The following FGF10 variants were observed in gnomAD, a reference collection of about 807,000 sequenced individuals.
The protein encoded by FGF10 is fibroblast growth factor 10, also known as FGF-10.
In FGF10, 2 loss-of-function variants were observed where a neutral mutation model predicts 19.8. The ratio of observed to expected loss-of-function variants is 0.10; its 90% CI spans 0.04 to 0.32. FGF10 has a LOEUF of 0.32. Ranked by LOEUF, FGF10 falls within the 10% of genes least tolerant of loss-of-function variation. The pLI is 1.00. For synonymous variants in FGF10, 112 were observed against 94.0 expected, an observed-to-expected ratio of 1.19 and a Z score of -1.10; for missense variants, 191 against 246.3, an observed-to-expected ratio of 0.78 and a Z score of 1.50.
intron 1 of FGF10, among the ~76,000 whole-genome samples, chr5:44,323,428 T>A (rs976707849): frequency 2.0e-5 from 3 of 152,188 alleles, no homozygotes; most frequent in Non-Finnish European, 4.4e-5. Context: ...TCTGACATTA[T>A]AGTACAGATA....
chr5:44,319,187 G>A (rs562044126), intron 1 of FGF10, among the ~76,000 whole-genome samples: 2 of 151,996 alleles, frequency 1.3e-5, no homozygotes, highest in South Asian at 2.1e-4. Context: ...ATTCTATTTG[G>A]GCTTGGCCAC....
At chr5:44,384,370 C>T (rs1031112701) in intron 1 of FGF10, among the ~76,000 whole-genome samples, 3 of 152,094 alleles carry the variant, frequency 2.0e-5, no homozygotes, top group Non-Finnish European at 2.9e-5. Flanking sequence ...AATACACTAA[C>T]CTTGTCTGAT....
chr5:44,344,894 A>G (rs1741053198), intron 1 of FGF10, among the ~76,000 whole-genome samples: 1 of 150,658 alleles, frequency 6.6e-6, no homozygotes, highest in Non-Finnish European at 1.5e-5. Context: ...TCCCTGATTC[A>G]AGGCAATAAG....
intron 1 of FGF10, among the ~76,000 whole-genome samples, chr5:44,317,551 T>C (rs1048595662): frequency 6.6e-6 from 1 of 152,162 alleles, no homozygotes; most frequent in Non-Finnish European, 1.5e-5. Context: ...TCTTAAGTGG[T>C]AAATTAATTG....
chr5:44,302,310 C>T lies in FGF10; in HGVS notation c.*2685G>A. 6.8e-6 allele frequency among the ~76,000 whole-genome samples: 1 copy of T among 147,172 alleles called. No individual in the cohort carries two copies. Among genetic ancestry groups the T allele is most frequent in the Non-Finnish European group, 1.5e-5 (1 of 66,450 alleles). ...TCCTTCCTTCCTTCCTTCCTTCCTT[C>T]CTTCCTTCCTTCCTTCCTTCCTGTC... On this transcript the variant is annotated 3_prime_UTR_variant, in exon 3 of 3. Transcript: ENST00000264664.
intron 1 of FGF10, among the ~76,000 whole-genome samples, chr5:44,361,024 C>T (rs1054656473): frequency 1.3e-5 from 2 of 151,650 alleles, no homozygotes; most frequent in African/African-American, 4.8e-5. Flanking sequence ...CTCATTGACC[C>T]AATAAAGAAT....
At chr5:44,331,529 C>T (rs1228099898) in intron 1 of FGF10, among the ~76,000 whole-genome samples, 2 of 152,070 alleles carry the variant, frequency 1.3e-5, no homozygotes, top group Admixed American at 6.6e-5. Context: ...TCTAAAAAAG[C>T]ATTGACATTT....
chr5:44,349,451 T>TATATATATATATATCTCAGA (rs1741178549), intron 1 of FGF10, among the ~76,000 whole-genome samples: 1 of 16,696 alleles, frequency 6.0e-5, no homozygotes, highest in Non-Finnish European at 1.6e-4. Context: ...TATATATATA[T>TATATATATATATATCTCAGA]ATATATATAT....
intron 1 of FGF10, among the ~76,000 whole-genome samples, chr5:44,355,569 G>T (rs1414212906): frequency 1.3e-5 from 2 of 150,980 alleles, no homozygotes; most frequent in Non-Finnish European, 3.0e-5. Flanking sequence ...ACTAACAAAC[G>T]TTTCAGACTC....
intron 1 of FGF10, among the ~76,000 whole-genome samples, chr5:44,337,134 AT>A (rs59140318): frequency 1.9e-4 from 29 of 151,920 alleles, no homozygotes; most frequent in African/African-American, 5.8e-4. Context: ...ATGTTATTAC[AT>A]TTTTTTTCTA....
intron 1 of FGF10, among the ~76,000 whole-genome samples, chr5:44,338,957 A>T (rs955932002): frequency 2.0e-5 from 3 of 152,220 alleles, no homozygotes; most frequent in African/African-American, 7.2e-5. Flanking sequence ...CATCAGTTAG[A>T]ATGTGGGTAA....
intron 1 of FGF10, among the ~76,000 whole-genome samples, chr5:44,344,584 G>GTGTGTGTGTGTGTGTC (rs1213911237): frequency 6.7e-6 from 1 of 149,980 alleles, no homozygotes; most frequent in Non-Finnish European, 1.5e-5. Context: ...GTGTGTGTGT[G>GTGTGTGTGTGTGTGTC]TGTGTGTGTG....
chr5:44,307,134 A>G (rs1400659542), intron 2 of FGF10, among the ~76,000 whole-genome samples: 29 of 152,152 alleles, frequency 1.9e-4, no homozygotes, highest in Admixed American at 1.9e-3. Context: ...CCTCCCCAAA[A>G]TTAATTTATA....
intron 1 of FGF10, among the ~76,000 whole-genome samples, chr5:44,387,309 A>G (rs2111935493): frequency 6.6e-6 from 1 of 152,270 alleles, no homozygotes; most frequent in South Asian, 2.1e-4. Flanking sequence ...ACCAGCCCAC[A>G]CCCCTGCAAG....
At chr5:44,388,297 C>T in intron 1 of FGF10, 61 bp downstream of exon 1, 14 of 1,482,930 alleles carry the variant, frequency 9.4e-6, no homozygotes, top group South Asian at 2.3e-5. Flanking sequence ...ACAGATTTTT[C>T]CCCCCCGTGT....
intron 1 of FGF10, among the ~76,000 whole-genome samples, chr5:44,328,663 G>C (rs1740666183): frequency 6.6e-6 from 1 of 152,158 alleles, no homozygotes; most frequent in African/African-American, 2.4e-5. Context: ...TCAGAAGGCT[G>C]AGGTAGGAAA....
At chr5:44,376,954 A>T (rs1741880845) in intron 1 of FGF10, among the ~76,000 whole-genome samples, 1 of 152,094 alleles carries the variant, frequency 6.6e-6, no homozygotes, top group African/African-American at 2.4e-5. Flanking sequence ...GAAAGTTTAG[A>T]TCCGCAAATG....
chr5:44,367,568 T>C (rs1336726306), intron 1 of FGF10, among the ~76,000 whole-genome samples: 1 of 152,064 alleles, frequency 6.6e-6, no homozygotes, highest in Non-Finnish European at 1.5e-5. Flanking sequence ...AACTACTCAG[T>C]GAAGTTACTC....
chr5:44,370,453 G>C (rs2111883035), intron 1 of FGF10, among the ~76,000 whole-genome samples: 1 of 152,144 alleles, frequency 6.6e-6, no homozygotes, highest in South Asian at 2.1e-4. Flanking sequence ...AGGTAATCCT[G>C]GGTCACATTT....
Sources: gnomAD v4.1 joint callset for allele counts (sites outside exome capture counted in the v4.1 genomes callset) on GRCh38, gnomAD v4.1.1 for gene constraint, MANE v1.5 for transcripts, NCBI Gene and HGNC (gene_info 2026-07-23, HGNC 2026-07-21) for gene names.